Variants in SEC31B observed in about 807,000 individuals in gnomAD.
SEC31B encodes the protein SEC31 homolog B, COPII component.
A neutral mutation model predicts 135.0 loss-of-function variants in SEC31B; 113 were observed. That is an observed-to-expected ratio of 0.84 (90% CI 0.72 to 0.98). The LOEUF (loss-of-function observed/expected upper bound fraction) is 0.98, where lower values mean the gene tolerates loss of function less well. Among genes scored for constraint, SEC31B ranks in the 50% least tolerant of loss-of-function variants. The pLI is 0.00. For synonymous variants in SEC31B, 508 were observed against 549.4 expected (o/e 0.92, Z 1.05); for missense variants, 1,296 against 1,421.1 (o/e 0.91, Z 1.42).
At chr10:100,489,210 T>C in intron 23 of SEC31B, 42 bp downstream of exon 23, 1 of 1,567,210 alleles carries the variant, frequency 6.4e-7, no homozygotes, top group South Asian at 1.2e-5. Flanking sequence ...CAAGGAGGGC[T>C]GGAAGGTTTC....
chr10:100,492,991 C>T (rs1262340491), intron 19 of SEC31B, among the ~76,000 whole-genome samples: 4 of 152,222 alleles, frequency 2.6e-5, no homozygotes, highest in Non-Finnish European at 5.9e-5. Flanking sequence ...CAGTTAGGAA[C>T]TTGTATTTGA....
intron 19 of SEC31B, among the ~76,000 whole-genome samples, chr10:100,491,772 G>A (rs7091484): frequency 0.03 from 4,611 of 152,310 alleles, 245 homozygotes; most frequent in African/African-American, 0.1. Flanking sequence ...AATCCTCAAT[G>A]CAACAGTGTT....
In SEC31B at chr10:100,507,537, C is replaced by T. The variant is rs1388402758; in HGVS notation, c.670G>A (p.Asp224Asn). 3 of 1,614,200 alleles carry T rather than the reference C, an allele frequency of 1.9e-6. No individual in the cohort carries two copies. Among genetic ancestry groups the T allele is most frequent in the Non-Finnish European group, 2.5e-6 (3 of 1,180,026 alleles). Residue 224 changes from aspartate (D) to asparagine (N), a missense_variant, in exon 7 of 26, where the codon GAC (aspartate) becomes AAC (asparagine). Transcript: ENST00000370345. The part of the protein sequence containing the change: ...MHCSGLAWHP[D>N]IATQLVLCSE... ...CACAGCACTAACTGGGTGGCTATGT[C>T]AGGATGCCAGGCCAGGCCTGAGCAG...
intron 24 of SEC31B, 116 bp downstream of exon 24, chr10:100,488,742 A>G: frequency 1.5e-6 from 2 of 1,355,494 alleles, no homozygotes; most frequent in Non-Finnish European, 9.9e-7. Flanking sequence ...CAAGATAGAG[A>G]CAGCATGTCC....
intron 19 of SEC31B, among the ~76,000 whole-genome samples, chr10:100,491,983 G>A (rs1851309016): frequency 6.6e-6 from 1 of 152,194 alleles, no homozygotes; most frequent in South Asian, 2.1e-4. Context: ...ATACCTGCTG[G>A]TGCCTTGATC....
rs367572736 is a variant in SEC31B, at chr10:100,488,932, G to A, written c.3214C>T (p.Pro1072Ser). The A allele has an allele frequency of 1.2e-6, 2 of 1,611,224 alleles. No individual in the cohort carries two copies. The highest frequency in any genetic ancestry group is 1.7e-6 in the Non-Finnish European group (2 of 1,179,134). The change falls in exon 24 of 26, where the codon CCC becomes TCC. Residue 1072 changes from proline to serine, a missense_variant. Coordinates refer to ENST00000370345, the MANE Select transcript of SEC31B (RefSeq NM_015490.4). ...PPEKMERKEL[P>S]PEHQSLKSSF... ...CTCTTCAAGGACTGATGCTCTGGGG[G>A]CAGCTCCTTCCTTTCCATCTTCTCA...
chr10:100,495,248 T>C, intron 19 of SEC31B, 137 bp downstream of exon 19: 1 of 843,840 alleles, frequency 1.2e-6, no homozygotes, highest in Non-Finnish European at 1.9e-6. Context: ...AGTTATTTAT[T>C]ATAAAAAGAA....
rs1300300167 is a variant in SEC31B at position 100,508,891 on chromosome 10, C to A, written c.495+116G>T. 10 of 761,652 alleles carry A rather than the reference C, an allele frequency of 1.3e-5. No homozygotes were observed. In the South Asian group the frequency reaches 1.5e-4, roughly 12 times the overall value. 47.2% of individuals were successfully genotyped at this position (761,652 alleles called of 1,614,324 possible). A position where few individuals can be genotyped will look rare whatever the true frequency, so the allele number is the denominator to read the frequency against. On this transcript the variant is annotated intron_variant, in intron 5 of 25. Transcript: ENST00000370345. Reference sequence around the variant, plus strand: ...CATGTTAGTCTGTGGAGCTTTATTGCCCTCCAGTGGTAAAGTTTGATATCT... The same window carrying A: ...CATGTTAGTCTGTGGAGCTTTATTGACCTCCAGTGGTAAAGTTTGATATCT...
At chr10:100,511,149 G>A (rs1426813336) in intron 3 of SEC31B, among the ~76,000 whole-genome samples, 1 of 152,232 alleles carries the variant, frequency 6.6e-6, no homozygotes, top group Non-Finnish European at 1.5e-5. Context: ...CAGAGTGGCA[G>A]TTACTTCAGT....
chr10:100,498,920 A>C (rs1471474226), intron 13 of SEC31B, 116 bp from the exon 14 acceptor site: 2 of 806,022 alleles, frequency 2.5e-6, no homozygotes, highest in Non-Finnish European at 4.0e-6. Context: ...AACTAAAAAA[A>C]TAGCCAGGTA....
chr10:100,499,426 A>G (rs752878163), intron 12 of SEC31B, 98 bp downstream of exon 12: 43 of 1,154,578 alleles, frequency 3.7e-5, no homozygotes, highest in Non-Finnish European at 5.2e-5. Flanking sequence ...CATATGCAAT[A>G]ATAAGGCCAG....
chr10:100,516,154 C>T lies in SEC31B; in HGVS notation c.145G>A (p.Asp49Asn). The T allele has an allele frequency of 6.2e-7, 1 of 1,614,062 alleles. No individual in the cohort carries two copies. The change falls in exon 3 of 26, where the codon GAT becomes AAT. Residue 49 changes from aspartate (D) to asparagine (N), a missense_variant. Asp to Asn is a conservative substitution (Grantham distance 23). Coordinates refer to ENST00000370345, the MANE Select transcript of SEC31B (RefSeq NM_015490.4). ...AAGTCCAGAGAAGGGTCCCTGAAATCAACCTCAAATATTTCCAATGTGCCA... is the reference window on the plus strand; with the variant it reads ...AAGTCCAGAGAAGGGTCCCTGAAATTAACCTCAAATATTTCCAATGTGCCA... ...TNGTLEIFEV[D>N]FRDPSLDLKH... is the part of the protein sequence containing the mutation.
At chr10:100,517,748 A>G (rs547520111) in intron 1 of SEC31B, among the ~76,000 whole-genome samples, 27 of 152,116 alleles carry the variant, frequency 1.8e-4, no homozygotes, top group African/African-American at 6.0e-4. Flanking sequence ...TGTTTTTTTC[A>G]GAAAGGAGCA....
rs746313794 is a variant in SEC31B, at chr10:100,506,026, C to T, written c.1044+14G>A. 2 of 1,613,128 alleles carry T rather than the reference C, an allele frequency of 1.2e-6. No homozygotes were observed. The highest frequency in any genetic ancestry group is 1.7e-5 in the Admixed American group (1 of 60,016). ...GCCCCTTCCCTCCAGCATTCTCTAC[C>T]AAGCCCTTCAAACCTTGTCAGCCTG... On this transcript the variant is annotated intron_variant, in intron 9 of 25. Coordinates refer to ENST00000370345, the MANE Select transcript of SEC31B (RefSeq NM_015490.4).
At chr10:100,503,687 G>A (rs527922014) in intron 10 of SEC31B, among the ~76,000 whole-genome samples, 7 of 151,476 alleles carry the variant, frequency 4.6e-5, no homozygotes, top group South Asian at 2.1e-4. Context: ...CACCTGCCTC[G>A]GCCTCCCAAA....
rs1056601856 is a variant in SEC31B, at chr10:100,513,282, G to A, written c.203+2814C>T. Among the ~76,000 whole-genome samples, 6 of 152,322 alleles carry A rather than the reference G, an allele frequency of 3.9e-5. No individual in the cohort carries two copies. The South Asian group carries it at 1.2e-3, about 32-fold the overall frequency. On this transcript the variant is annotated intron_variant, in intron 3 of 25. Transcript: ENST00000370345. ...GAAAGCAGAGATAAAATACTTATCA[G>A]TAGGGTTAACTGTGCTATTTATTCT...
At chr10:100,514,223 G>A (rs1287140161) in intron 3 of SEC31B, among the ~76,000 whole-genome samples, 1 of 151,992 alleles carries the variant, frequency 6.6e-6, no homozygotes, top group African/African-American at 2.4e-5. Flanking sequence ...TAAAATCTCT[G>A]CCCACATGGA....
At position 100,509,494 on chromosome 10, in the gene SEC31B, C is replaced by A; in HGVS notation, c.221G>T (p.Trp74Leu). The change falls in exon 4 of 26, where the codon TGG (tryptophan) becomes TTG (leucine). Residue 74 changes from tryptophan (W) to leucine (L), a missense_variant. Coordinates refer to ENST00000370345, the MANE Select transcript of SEC31B (RefSeq NM_015490.4). Reference protein sequence around the residue: ...SALSRFHKLVWGSFGSGLLES... With the variant: ...SALSRFHKLVLGSFGSGLLES... ...CAGAAGCCCACTGCCAAAGCTCCCC[C>A]AGACCAGCTTGTGAAACCTATAAAG... 1.9e-6 allele frequency: 3 copies of A among 1,612,664 alleles called. No homozygotes were observed. Among genetic ancestry groups the A allele is most frequent in the Non-Finnish European group, 1.7e-6 (2 of 1,179,184 alleles).
At position 100,509,154 on chromosome 10, in the gene SEC31B, C is replaced by T. The variant is rs569073319; in HGVS notation, c.400-52G>A. On this transcript the variant is annotated intron_variant, in intron 4 of 25. Transcript: ENST00000370345. ...CATACCACCCTAGGAAGAAACAGAG[C>T]AAGAAAGGAGGAAAGAAGCCCAAAT... 8.8e-6 allele frequency: 14 copies of T among 1,584,696 alleles called. No homozygotes were observed. In the Admixed American group the frequency reaches 2.2e-4, roughly 25 times the overall value.
Sources: gnomAD v4.1 joint callset for allele counts (sites outside exome capture counted in the v4.1 genomes callset) on GRCh38, gnomAD v4.1.1 for gene constraint, MANE v1.5 for transcripts, NCBI Gene and HGNC (gene_info 2026-07-23, HGNC 2026-07-21) for gene names.